Variants in UMODL1 observed in about 807,000 individuals in gnomAD.
The protein encoded by UMODL1 is uromodulin-like 1.
UMODL1 carries 128 observed loss-of-function variants against 136.3 expected under a neutral mutation model. The ratio of observed to expected loss-of-function variants is 0.94; its 90% confidence interval spans 0.81 to 1.09. The LOEUF (loss-of-function observed/expected upper bound fraction) is 1.09. Ranked by LOEUF, UMODL1 falls within the 50% of genes least tolerant of loss-of-function variation. The pLI, the probability that UMODL1 is intolerant of heterozygous loss-of-function variation, is 0.00. For missense variants in UMODL1, 1,766 were observed against 1,725.6 expected (o/e 1.02, Z -0.41); for synonymous variants, 721 against 720.0 (o/e 1.00, Z -0.02).
intron 17 of UMODL1, among the ~76,000 whole-genome samples, chr21:42,124,688 A>T (rs1422697876): frequency 6.6e-6 from 1 of 152,050 alleles, no homozygotes; most frequent in Non-Finnish European, 1.5e-5. Context: ...CATTGTCCTC[A>T]TCGGGAGCTA....
At chr21:42,121,270 G>T in intron 16 of UMODL1, 46 bp downstream of exon 16, 1 of 1,567,968 alleles carries the variant, frequency 6.4e-7, no homozygotes, top group Non-Finnish European at 8.7e-7. Context: ...TATCATAATC[G>T]GTTTTTTTTA....
intron 14 of UMODL1, among the ~76,000 whole-genome samples, 181 bp from the exon 15 acceptor site, chr21:42,118,928 GGC>G (rs1188702654): frequency 6.6e-6 from 1 of 152,250 alleles, no homozygotes; most frequent in Non-Finnish European, 1.5e-5. Flanking sequence ...GACACTCCCA[GGC>G]GTTTGTGCTG....
chr21:42,123,045 G>A lies in UMODL1; in HGVS notation c.3042G>A (p.Glu1014=). ...TCCTGCAGCAGGAATCCATCCCCGAGTCCTCGTTGTACCTCAGCCACCCCT... is the reference window on the plus strand; with the variant it reads ...TCCTGCAGCAGGAATCCATCCCCGAATCCTCGTTGTACCTCAGCCACCCCT... ...KRFLQQESIP[E]SSLYLSHPSC... Residue 1014 remains glutamate, a synonymous_variant, in exon 17 of 23, where the codon GAG becomes GAA. Coordinates refer to ENST00000408910, the MANE Select transcript of UMODL1 (RefSeq NM_001004416.3). The surrounding 1 kb of genome is among the most constrained non-coding windows in gnomAD (Gnocchi z 4.4). The A allele has an allele frequency of 1.2e-6, 2 of 1,614,124 alleles. No homozygotes were observed. Among genetic ancestry groups the A allele is most frequent in the South Asian group, 2.2e-5 (2 of 91,080 alleles).
Position 42,137,618 on chromosome 21 carries a change from T to C in UMODL1, c.3955T>C (p.Ter1319GlnextTer52). 7 of 1,611,416 alleles carry C rather than the reference T, an allele frequency of 4.3e-6. No individual in the cohort carries two copies. The South Asian group carries it at 5.5e-5, about 13-fold the overall frequency. The change falls in exon 22 of 23, where the codon TAG becomes CAG. Residue 1319 changes from the stop codon to glutamine (Q), a stop_lost. Coordinates refer to ENST00000408910, the MANE Select transcript of UMODL1 (RefSeq NM_001004416.3). ...NNFSYQVFYE[*>Q] ...CTTCAGCTACCAGGTGTTCTACGAA[T>C]AGGAGGCGCAGGCTGACAGGAAGGT... is the stretch of plus-strand genomic sequence containing the variant.
intron 20 of UMODL1, among the ~76,000 whole-genome samples, chr21:42,129,235 C>T (rs1441533280): frequency 1.3e-5 from 2 of 152,048 alleles, no homozygotes; most frequent in African/African-American, 4.8e-5. Context: ...GACTTCAATC[C>T]CTTTTTGGAG....
intron 10 of UMODL1, among the ~76,000 whole-genome samples, 172 bp from the exon 11 acceptor site, chr21:42,110,708 T>G (rs917035937): frequency 7.2e-5 from 11 of 152,168 alleles, no homozygotes; most frequent in Non-Finnish European, 1.5e-4. Context: ...CCGGGGAGGC[T>G]GCAAACATGG....
rs539984361 is a variant in UMODL1, at chr21:42,103,721, T to G, written c.1300-147T>G. ...GGTGCTGTGAACGGACTTCTCTGCG[T>G]GCTCTGAGAGGTCGGTCGTCAGGTG... On this transcript the variant is annotated intron_variant, in intron 8 of 22. Coordinates refer to ENST00000408910, the MANE Select transcript of UMODL1 (RefSeq NM_001004416.3). The G allele has an allele frequency of 7.6e-6, 7 of 924,390 alleles. No homozygotes were observed. In the East Asian group the frequency reaches 1.8e-4, roughly 24 times the overall value. 57.3% of individuals were successfully genotyped at this position (924,390 alleles called of 1,614,324 possible). A position where few individuals can be genotyped will look rare whatever the true frequency, so the allele number is the denominator to read the frequency against.
At chr21:42,141,490 G>A (rs1306327317) in intron 22 of UMODL1, among the ~76,000 whole-genome samples, 3 of 152,214 alleles carry the variant, frequency 2.0e-5, no homozygotes, top group Admixed American at 6.5e-5. Flanking sequence ...GAATCCCAGC[G>A]ATGAGGCCAA....
chr21:42,122,110 C>G lies in UMODL1; in HGVS notation c.2828-721C>G, dbSNP rs1279315777. On this transcript the variant is annotated intron_variant, in intron 16 of 22. Transcript: ENST00000408910. This position sits in a 1 kb window ranked among gnomAD's most constrained non-coding sequence, Gnocchi z 4.3. ...GTGAGCTGGGTGGAGCTGCAGGGTG[C>G]TGGGGCTGGGCAAGCCCCACTCTGA... is the stretch of plus-strand genomic sequence containing the variant. Among the ~76,000 whole-genome samples the G allele has an allele frequency of 6.6e-6, 1 of 152,090 alleles. No homozygotes were observed. Among genetic ancestry groups the G allele is most frequent in the Non-Finnish European group, 1.5e-5 (1 of 68,010 alleles).
chr21:42,074,125 A>C (rs903099196), intron 1 of UMODL1, among the ~76,000 whole-genome samples: 6 of 152,142 alleles, frequency 3.9e-5, no homozygotes, highest in African/African-American at 1.2e-4. Context: ...GGAGGCCGGA[A>C]GTCTAAGATG....
intron 22 of UMODL1, among the ~76,000 whole-genome samples, chr21:42,139,256 C>T (rs1213955221): frequency 2.0e-5 from 3 of 152,170 alleles, no homozygotes; most frequent in South Asian, 2.1e-4. Context: ...GGGAAGCATG[C>T]GGCTTCGGCT....
intron 22 of UMODL1, among the ~76,000 whole-genome samples, chr21:42,140,437 C>G (rs2839983): frequency 0.25 from 38,340 of 150,972 alleles, 4,947 homozygotes; most frequent in South Asian, 0.35. Context: ...AGGGATAGGC[C>G]TCCCAGGTCA....
chr21:42,141,479 C>G (rs200187532), intron 22 of UMODL1, among the ~76,000 whole-genome samples: 6 of 139,738 alleles, frequency 4.3e-5, no homozygotes, highest in Non-Finnish European at 9.6e-5. Context: ...ATTTAAGATG[C>G]GAATCCCAGC....
intron 21 of UMODL1, among the ~76,000 whole-genome samples, chr21:42,132,018 G>T (rs143549522): frequency 6.6e-6 from 1 of 152,174 alleles, no homozygotes; most frequent in Non-Finnish European, 1.5e-5. Context: ...TGACTAGGGG[G>T]TGAAAAGCAC....
At chr21:42,083,394 C>T (rs1360094020) in intron 2 of UMODL1, among the ~76,000 whole-genome samples, 1 of 152,218 alleles carries the variant, frequency 6.6e-6, no homozygotes, top group Non-Finnish European at 1.5e-5. Flanking sequence ...ACGCCCCCAC[C>T]TGATCTCCCC....
At chr21:42,124,455 C>T (rs1321096770) in intron 17 of UMODL1, among the ~76,000 whole-genome samples, 1 of 152,144 alleles carries the variant, frequency 6.6e-6, no homozygotes, top group Non-Finnish European at 1.5e-5. Flanking sequence ...GTGAATGTAT[C>T]CAAGGGCCAT....
At chr21:42,127,515 T>C (rs2123367476) in intron 19 of UMODL1, among the ~76,000 whole-genome samples, 157 bp from the exon 20 acceptor site, 1 of 152,314 alleles carries the variant, frequency 6.6e-6, no homozygotes, top group African/African-American at 2.4e-5. Context: ...GTCATGGACC[T>C]GGGTTTTGGG....
At chr21:42,126,142 T>C (rs571080859) in intron 17 of UMODL1, among the ~76,000 whole-genome samples, 1 of 152,264 alleles carries the variant, frequency 6.6e-6, no homozygotes, top group South Asian at 2.1e-4. Flanking sequence ...CTGCCTCCTC[T>C]GGTCAATAGG....
intron 2 of UMODL1, among the ~76,000 whole-genome samples, chr21:42,082,945 C>T (rs937215581): frequency 1.4e-4 from 22 of 152,136 alleles, no homozygotes; most frequent in African/African-American, 4.1e-4. Flanking sequence ...GAAAGCCCAC[C>T]GTGGCCTCCC....
Sources: gnomAD v4.1 joint callset for allele counts (sites outside exome capture counted in the v4.1 genomes callset) on GRCh38, gnomAD v4.1.1 for gene constraint, Gnocchi (gnomAD v3.1) non-coding constraint, MANE v1.5 for transcripts, NCBI Gene and HGNC (gene_info 2026-07-23, HGNC 2026-07-21) for gene names.